Variants in TSPEAR observed in about 807,000 individuals in gnomAD.
The protein encoded by TSPEAR is thrombospondin-type laminin G domain and EAR repeat-containing protein.
In TSPEAR, 69 loss-of-function variants were observed where a neutral mutation model predicts 71.6. The ratio of observed to expected loss-of-function variants is 0.96; its 90% CI spans 0.79 to 1.18. The LOEUF (loss-of-function observed/expected upper bound fraction) is 1.18. Ranked by LOEUF, TSPEAR falls within the 50% of genes most tolerant of loss-of-function variation. TSPEAR has a pLI of 0.00. For synonymous variants in TSPEAR, 402 were observed against 387.2 expected (o/e 1.04, Z -0.45); for missense variants, 971 against 894.9 (o/e 1.09, Z -1.09).
intron 2 of TSPEAR, chr21:44,539,621 G>A (rs1403171067): frequency 6.2e-6 from 10 of 1,613,782 alleles, no homozygotes; most frequent in Middle Eastern, 1.6e-4. Context: ...CTGGCAGGGG[G>A]AGGAGGTGCA....
At chr21:44,616,817 T>G (rs782331890) in intron 1 of TSPEAR, among the ~76,000 whole-genome samples, 2 of 152,242 alleles carry the variant, frequency 1.3e-5, no homozygotes, top group Non-Finnish European at 2.9e-5. Context: ...CGCACAAGCC[T>G]CAGCCTCTGC....
intron 1 of TSPEAR, among the ~76,000 whole-genome samples, chr21:44,615,665 G>GT (rs1273485051): frequency 6.6e-6 from 1 of 151,874 alleles, no homozygotes; most frequent in Non-Finnish European, 1.5e-5. Flanking sequence ...TGGGAGTGAG[G>GT]GCTTTCTCCC....
At chr21:44,607,182 C>T (rs147034905) in intron 1 of TSPEAR, among the ~76,000 whole-genome samples, 2,304 of 152,258 alleles carry the variant, frequency 0.015, 38 homozygotes, top group Middle Eastern at 0.034. Context: ...CGGGTTCAAG[C>T]AATTCTTGTG....
intron 7 of TSPEAR, 85 bp downstream of exon 7, chr21:44,527,207 C>T: frequency 7.6e-7 from 1 of 1,320,338 alleles, no homozygotes; most frequent in South Asian, 1.2e-5. Flanking sequence ...CCTTTACCTG[C>T]AGAATCAGTG....
chr21:44,602,917 C>T (rs1555929222), intron 1 of TSPEAR, among the ~76,000 whole-genome samples: 1 of 152,086 alleles, frequency 6.6e-6, no homozygotes, highest in Non-Finnish European at 1.5e-5. Flanking sequence ...CCTGTGTGGC[C>T]TGTGTCCTCC....
Position 44,591,457 on chromosome 21 carries a change from A to T in TSPEAR, c.83-23452T>A, listed in dbSNP as rs782203146. 27 of 1,614,010 alleles carry T rather than the reference A, an allele frequency of 1.7e-5. No individual in the cohort carries two copies. Among genetic ancestry groups the T allele is most frequent in the Non-Finnish European group, 2.1e-5 (25 of 1,180,004 alleles). ...GCGGGAGCACATGGGGCGGCAGAGG[A>T]GGGAAACACAGGAGGCCGTGCGGCA... On this transcript the variant is annotated intron_variant, in intron 1 of 11. Coordinates refer to ENST00000323084, the MANE Select transcript of TSPEAR (RefSeq NM_144991.3).
intron 1 of TSPEAR, chr21:44,666,661 C>A: frequency 5.6e-6 from 9 of 1,612,956 alleles, no homozygotes; most frequent in Non-Finnish European, 7.6e-6. Flanking sequence ...CTCACGGGCA[C>A]GCACACAGCT....
intron 2 of TSPEAR, among the ~76,000 whole-genome samples, chr21:44,544,947 GGACA>G (rs1183519126): frequency 6.6e-6 from 1 of 151,942 alleles, no homozygotes; most frequent in Non-Finnish European, 1.5e-5. Flanking sequence ...AAACAAAAAT[GGACA>G]GACATGAAGA....
intron 1 of TSPEAR, chr21:44,580,223 G>T (rs1200897715): frequency 6.2e-7 from 1 of 1,614,014 alleles, no homozygotes; most frequent in African/African-American, 1.3e-5. Flanking sequence ...GGCACAGCAA[G>T]TTGGCTGGCA....
intron 11 of TSPEAR, among the ~76,000 whole-genome samples, chr21:44,503,731 G>A (rs1273855834): frequency 8.0e-6 from 1 of 125,124 alleles, no homozygotes; most frequent in East Asian, 2.5e-4. Flanking sequence ...GGGAAGCAAG[G>A]CTCTGGGAGG....
At position 44,639,463 on chromosome 21, in the gene TSPEAR, G is replaced by C. The variant is rs587599075; in HGVS notation, c.83-71458C>G. On this transcript the variant is annotated intron_variant, in intron 1 of 11. Coordinates refer to ENST00000323084, the MANE Select transcript of TSPEAR (RefSeq NM_144991.3). ...CACAGCCGCCTCGCTCACTCCCCTCGAGGCAGATCACCCAGGACAACCAGC... is the reference window on the plus strand; with the variant it reads ...CACAGCCGCCTCGCTCACTCCCCTCCAGGCAGATCACCCAGGACAACCAGC... Among the ~76,000 whole-genome samples, 60 of 152,308 alleles carry C rather than the reference G, an allele frequency of 3.9e-4. 1 individual carries two copies. Among genetic ancestry groups the C allele is most frequent in the Non-Finnish European group, 2.4e-4 (16 of 68,018 alleles).
chr21:44,585,883 G>T (rs1979304816), intron 1 of TSPEAR, among the ~76,000 whole-genome samples: 1 of 152,226 alleles, frequency 6.6e-6, no homozygotes, highest in Admixed American at 6.5e-5. Flanking sequence ...TTTTAAGTGA[G>T]GGTCTAAACT....
chr21:44,659,102 C>T (rs1985341916), intron 1 of TSPEAR, among the ~76,000 whole-genome samples: 1 of 152,136 alleles, frequency 6.6e-6, no homozygotes, highest in Admixed American at 6.5e-5. Flanking sequence ...TGACACTGGA[C>T]CAGGACAACA....
intron 8 of TSPEAR, among the ~76,000 whole-genome samples, chr21:44,525,075 T>C (rs57363341): frequency 0.02 from 3,057 of 151,638 alleles, 79 homozygotes; most frequent in African/African-American, 0.058. Flanking sequence ...AGTCAGTCAG[T>C]TAGCCAGTCA....
chr21:44,558,737 G>T, intron 2 of TSPEAR: 1 of 1,577,952 alleles, frequency 6.3e-7, no homozygotes, highest in Non-Finnish European at 8.6e-7. Context: ...GAGGAGGTGA[G>T]CTGGGGGAGA....
chr21:44,509,262 A>T lies in TSPEAR; in HGVS notation c.1691T>A (p.Val564Asp), dbSNP rs201367083. ...CGCGGTCACGTTCAGCTCGTAGATG[A>T]CGGAGTTGATGACATAGGAATCATT... is the stretch of plus-strand genomic sequence containing the variant. ...VQNDSYVINS[V>D]IYELNVTAQA... Residue 564 changes from valine to aspartate, a missense_variant, in exon 10 of 12, where the codon GTC becomes GAC. Physicochemically the swap from Val to Asp is radical, Grantham distance 152 (BLOSUM62 -3). Coordinates refer to ENST00000323084, the MANE Select transcript of TSPEAR (RefSeq NM_144991.3). 2 of 1,614,038 alleles carry T rather than the reference A, an allele frequency of 1.2e-6. No homozygotes were observed. Among genetic ancestry groups the T allele is most frequent in the East Asian group, 2.2e-5 (1 of 44,868 alleles).
chr21:44,636,183 A>T (rs1414969929), intron 1 of TSPEAR, among the ~76,000 whole-genome samples: 1 of 152,184 alleles, frequency 6.6e-6, no homozygotes, highest in Non-Finnish European at 1.5e-5. Context: ...AACGTCGTGG[A>T]TGCTGAGCTG....
At chr21:44,656,388 C>T (rs1350567946) in intron 1 of TSPEAR, among the ~76,000 whole-genome samples, 2 of 152,296 alleles carry the variant, frequency 1.3e-5, no homozygotes, top group East Asian at 1.9e-4. Flanking sequence ...CCAGCTTTTG[C>T]TCTTCTGAAC....
intron 9 of TSPEAR, 149 bp from the exon 10 acceptor site, chr21:44,509,535 GC>G (rs1349345644): frequency 1.7e-6 from 1 of 591,492 alleles, no homozygotes; most frequent in African/African-American, 2.2e-5. Context: ...GTGTGGGTGA[GC>G]GGGCGCAGAG....
Sources: allele counts gnomAD v4.1 joint callset (sites outside exome capture counted in the v4.1 genomes callset), GRCh38; gene constraint gnomAD v4.1.1; transcripts MANE v1.5; gene names NCBI Gene and HGNC (gene_info 2026-07-23, HGNC 2026-07-21).